Variants in PLXNA4 observed in about 807,000 individuals in gnomAD.
PLXNA4 encodes the protein plexin A4.
In PLXNA4, 44 loss-of-function variants were observed where a neutral mutation model predicts 191.8. The ratio of observed to expected loss-of-function variants is 0.23; its 90% confidence interval spans 0.18 to 0.29. The LOEUF is 0.29. Among genes scored for constraint, PLXNA4 ranks in the 10% least tolerant of loss-of-function variants. The pLI is 1.00. For synonymous variants in PLXNA4, 1,082 were observed against 1,009.5 expected (o/e 1.07, Z -1.36); for missense variants, 1,800 against 2,488.8 (o/e 0.72, Z 5.89).
intron 2 of PLXNA4, among the ~76,000 whole-genome samples, chr7:132,635,482 G>A (rs1803584266): frequency 6.6e-6 from 1 of 152,118 alleles, no homozygotes; most frequent in Non-Finnish European, 1.5e-5. Context: ...ACAAAATACA[G>A]TGCTAGATTC....
chr7:132,563,374 C>T (rs1366008646), intron 1 of PLXNA4, among the ~76,000 whole-genome samples: 7 of 105,922 alleles, frequency 6.6e-5, no homozygotes, highest in South Asian at 4.3e-4. Flanking sequence ...TCCTCCTCCT[C>T]CTTCTCCTCC....
intron 3 of PLXNA4, among the ~76,000 whole-genome samples, chr7:132,395,183 G>A (rs1209145502): frequency 6.6e-6 from 1 of 151,350 alleles, no homozygotes; most frequent in African/African-American, 2.4e-5. Context: ...GTGTAGGTCT[G>A]GACTGGAGTG....
At chr7:132,386,136 G>A (rs550582764) in intron 3 of PLXNA4, among the ~76,000 whole-genome samples, 27 of 152,284 alleles carry the variant, frequency 1.8e-4, no homozygotes, top group African/African-American at 6.5e-4. Flanking sequence ...GAGGGGCCCC[G>A]TGAGCTGCCC....
At chr7:132,463,060 G>T (rs969060964) in intron 3 of PLXNA4, among the ~76,000 whole-genome samples, 2 of 151,980 alleles carry the variant, frequency 1.3e-5, no homozygotes, top group East Asian at 1.9e-4. Context: ...ATGTTGGCCA[G>T]GTTGGTCTCT....
At chr7:132,169,941 G>C (rs994005529) in intron 21 of PLXNA4, among the ~76,000 whole-genome samples, 7 of 152,136 alleles carry the variant, frequency 4.6e-5, no homozygotes, top group Non-Finnish European at 1.0e-4. Context: ...CTGAAGTGGG[G>C]CACTGGAGGA....
chr7:132,313,781 T>A (rs1327359186), intron 3 of PLXNA4, among the ~76,000 whole-genome samples: 2 of 152,122 alleles, frequency 1.3e-5, no homozygotes, highest in Non-Finnish European at 2.9e-5. Context: ...GATTGTGATA[T>A]CATGATATCA....
chr7:132,560,259 C>T lies in PLXNA4; in HGVS notation c.-87+16163G>A, dbSNP rs116368623. Among the ~76,000 whole-genome samples the T allele has an allele frequency of 4.4e-3, 676 of 152,238 alleles. 2 individuals carry two copies. The highest frequency in any genetic ancestry group is 0.015 in the African/African-American group (634 of 41,520). ...GGAAGGGAACAAGCAGAACAGAGGC[C>T]CAGGTGCGCTCTGTTCCAAGCTTGC... On this transcript the variant is annotated intron_variant, in intron 1 of 31. Transcript: ENST00000321063.
At chr7:132,265,424 A>G (rs1262372970) in intron 4 of PLXNA4, among the ~76,000 whole-genome samples, 1 of 152,226 alleles carries the variant, frequency 6.6e-6, no homozygotes, top group African/African-American at 2.4e-5. Flanking sequence ...AAGCCTTTGG[A>G]ACCATTATTC....
chr7:132,236,632 C>T (rs957353930), intron 5 of PLXNA4, among the ~76,000 whole-genome samples: 2 of 152,150 alleles, frequency 1.3e-5, no homozygotes, highest in African/African-American at 2.4e-5. Flanking sequence ...AACAGAGTCG[C>T]CTTCATATCA....
chr7:132,425,867 C>A (rs1795022375), intron 3 of PLXNA4, among the ~76,000 whole-genome samples: 2 of 152,186 alleles, frequency 1.3e-5, no homozygotes, highest in Non-Finnish European at 2.9e-5. Flanking sequence ...ATGGTGCCTC[C>A]CTCAGACAGT....
At chr7:132,413,428 G>A (rs1002952021) in intron 3 of PLXNA4, among the ~76,000 whole-genome samples, 5 of 152,160 alleles carry the variant, frequency 3.3e-5, no homozygotes, top group African/African-American at 1.2e-4. Flanking sequence ...CCAGGGGGCT[G>A]TTTATTCCAC....
chr7:132,555,047 A>AAAAAAAAAACAAAAC (rs1451407137), intron 1 of PLXNA4, among the ~76,000 whole-genome samples: 2 of 151,024 alleles, frequency 1.3e-5, no homozygotes, highest in Non-Finnish European at 1.5e-5. Flanking sequence ...ACCTGAAGGA[A>AAAAAAAAAACAAAAC]AAAAAAAAAC....
intron 1 of PLXNA4, among the ~76,000 whole-genome samples, chr7:132,522,438 G>C (rs1414924989): frequency 3.3e-5 from 5 of 152,252 alleles, no homozygotes; most frequent in Non-Finnish European, 7.3e-5. Context: ...CTCTCTCTAT[G>C]CCTCAGATCT....
At chr7:132,481,251 C>T (rs942290130) in intron 3 of PLXNA4, among the ~76,000 whole-genome samples, 3 of 151,980 alleles carry the variant, frequency 2.0e-5, no homozygotes, top group Non-Finnish European at 4.4e-5. Flanking sequence ...GGGCCTGAGA[C>T]AGGGCAGAGA....
At chr7:132,501,334 G>C (rs1798242226) in intron 2 of PLXNA4, among the ~76,000 whole-genome samples, 1 of 152,162 alleles carries the variant, frequency 6.6e-6, no homozygotes, top group Non-Finnish European at 1.5e-5. Flanking sequence ...CTATGGGTGT[G>C]TACGCCACTG....
intron 2 of PLXNA4, among the ~76,000 whole-genome samples, chr7:132,622,106 G>A (rs966351345): frequency 6.6e-6 from 1 of 152,054 alleles, no homozygotes; most frequent in African/African-American, 2.4e-5. Context: ...AATGTAAATG[G>A]AGTGATGTGT....
intron 22 of PLXNA4, among the ~76,000 whole-genome samples, chr7:132,168,051 A>G (rs1796172435): frequency 6.6e-6 from 1 of 152,208 alleles, no homozygotes. Flanking sequence ...CAGAGAAGGA[A>G]AAATGGAGAT....
chr7:132,493,739 GTGGATGGGTGGATGGA>G (rs1416832933), intron 2 of PLXNA4, among the ~76,000 whole-genome samples: 93 of 141,770 alleles, frequency 6.6e-4, no homozygotes, highest in Middle Eastern at 3.5e-3. Context: ...GGGTGGATGG[GTGGATGGGTGGATGGA>G]TGGATGGATG....
chr7:132,318,662 T>C (rs902797078), intron 3 of PLXNA4, among the ~76,000 whole-genome samples: 3 of 83,602 alleles, frequency 3.6e-5, no homozygotes, highest in Non-Finnish European at 6.3e-5. Context: ...CGCACTTTGC[T>C]TTTTTTTTTT....
Sources: gnomAD v4.1 joint callset for allele counts (sites outside exome capture counted in the v4.1 genomes callset) on GRCh38, gnomAD v4.1.1 for gene constraint, MANE v1.5 for transcripts, NCBI Gene and HGNC (gene_info 2026-07-23, HGNC 2026-07-21) for gene names.